DISC1: variants seen among roughly 807,000 people sequenced by gnomAD.
The protein encoded by DISC1 is disrupted in schizophrenia 1 protein.
DISC1 carries 57 observed loss-of-function variants against 84.5 expected under a neutral mutation model. That is an observed-to-expected ratio of 0.67 (90% confidence interval 0.55 to 0.84). The LOEUF (loss-of-function observed/expected upper bound fraction) is 0.84, where lower values mean the gene tolerates loss of function less well. Among genes scored for constraint, DISC1 ranks in the 40% least tolerant of loss-of-function variants. DISC1 has a pLI of 0.00. For synonymous variants in DISC1, 411 were observed against 415.2 expected, an observed-to-expected ratio of 0.99 and a Z score of 0.12; for missense variants, 1,000 against 1,057.8, an observed-to-expected ratio of 0.95 and a Z score of 0.76.
At chr1:231,774,635 G>T (rs753922810) in intron 6 of DISC1, 3 of 453,858 alleles carry the variant, frequency 6.6e-6, no homozygotes, top group South Asian at 3.1e-5. Context: ...TTCTTCCACC[G>T]TAGGGAGGTG....
chr1:231,748,467 A>C (rs766386088), intron 3 of DISC1, among the ~76,000 whole-genome samples: 1 of 152,196 alleles, frequency 6.6e-6, no homozygotes, highest in African/African-American at 2.4e-5. Flanking sequence ...GAATTTTATC[A>C]AAAGCTTTTT....
At chr1:231,985,527 T>C (rs951774484) in intron 10 of DISC1, among the ~76,000 whole-genome samples, 2 of 152,096 alleles carry the variant, frequency 1.3e-5, no homozygotes, top group Non-Finnish European at 2.9e-5. Context: ...GGAAGAATAA[T>C]AAGGATTAGA....
intron 3 of DISC1, among the ~76,000 whole-genome samples, chr1:231,707,543 A>G (rs1266137877): frequency 6.6e-6 from 1 of 152,186 alleles, no homozygotes; most frequent in Non-Finnish European, 1.5e-5. Context: ...CTTAGCACCT[A>G]TGAAAAATGC....
At chr1:231,837,587 TA>T (rs1239838289) in intron 9 of DISC1, among the ~76,000 whole-genome samples, 1 of 96,930 alleles carries the variant, frequency 1.0e-5, no homozygotes, top group African/African-American at 3.4e-5. Flanking sequence ...CTGATCTATA[TA>T]TTTTTTTTCT....
intron 1 of DISC1, among the ~76,000 whole-genome samples, chr1:231,640,457 C>T (rs1236024065): frequency 6.7e-6 from 1 of 149,864 alleles, no homozygotes; most frequent in Non-Finnish European, 1.5e-5. Context: ...AGCAACACAG[C>T]AGTATGCTCT....
At chr1:231,886,766 C>CCTTCCTTTCTTTCTTTCTTT (rs1322835316) in intron 9 of DISC1, among the ~76,000 whole-genome samples, 1 of 84,380 alleles carries the variant, frequency 1.2e-5, no homozygotes, top group Non-Finnish European at 2.4e-5. Context: ...TTCCTTCCTT[C>CCTTCCTTTCTTTCTTTCTTT]CTTTCTTTCT....
At chr1:231,882,658 G>T (rs144929712) in intron 9 of DISC1, among the ~76,000 whole-genome samples, 7 of 152,254 alleles carry the variant, frequency 4.6e-5, no homozygotes, top group African/African-American at 1.2e-4. Context: ...CAATGAAAAG[G>T]CTTTCAAGTT....
intron 9 of DISC1, among the ~76,000 whole-genome samples, chr1:231,935,339 G>A (rs189662739): frequency 8.5e-5 from 13 of 152,196 alleles, no homozygotes; most frequent in Middle Eastern, 3.2e-3. Context: ...GGCGTGGGGC[G>A]TGGTGAGGAA....
rs751969064 is a variant in DISC1, at chr1:231,800,114, A to T, written c.1696A>T (p.Met566Leu). Reference sequence around the variant, plus strand: ...GTCATTTCTCTCCCCCTAGGTGTGTATGAGTGAGAAATTCTGCAGCACCCT... The same window carrying T: ...GTCATTTCTCTCCCCCTAGGTGTGTTTGAGTGAGAAATTCTGCAGCACCCT... ...SLKEITTKVC[M>L]SEKFCSTLRK... Residue 566 changes from methionine (M) to leucine (L), a missense_variant, in exon 8 of 13, where the codon ATG becomes TTG. Met to Leu is a conservative substitution (Grantham distance 15). Transcript: ENST00000439617. 3 of 1,609,816 alleles carry T rather than the reference A, an allele frequency of 1.9e-6. No individual in the cohort carries two copies. The highest frequency in any genetic ancestry group is 2.7e-5 in the African/African-American group (2 of 74,354).
chr1:232,014,994 A>G (rs201006640), intron 11 of DISC1, among the ~76,000 whole-genome samples: 51 of 152,220 alleles, frequency 3.4e-4, no homozygotes, highest in Non-Finnish European at 6.5e-4. Flanking sequence ...CAACTTGACC[A>G]ATAGAAACAG....
Position 231,767,186 on chromosome 1 carries a change from C to T in DISC1, c.1315C>T (p.Leu439=), listed in dbSNP as rs1398155209. 4 of 1,614,102 alleles carry T rather than the reference C, an allele frequency of 2.5e-6. No individual in the cohort carries two copies. Among genetic ancestry groups the T allele is most frequent in the African/African-American group, 1.3e-5 (1 of 74,934 alleles). ...THTPLRMEPR[L]LEPTAQDSLH... is the part of the protein sequence containing the mutation. ...CACCCCACTGAGAATGGAGCCGAGG[C>T]TGTTGGAACCCACTGCTCAGGACAG... Residue 439 remains leucine, a synonymous_variant, in exon 5 of 13, where the codon CTG becomes TTG. Coordinates refer to ENST00000439617, the MANE Select transcript of DISC1 (RefSeq NM_018662.3).
At position 232,040,753 on chromosome 1, in the gene DISC1, T is replaced by A. The variant is rs1328914023; in HGVS notation, c.*3922T>A. ...AACTGAGCCTGGGGCAAACGAGGCT[T>A]CCCACACTGCCAGGGGAGCCTCACT... On this transcript the variant is annotated 3_prime_UTR_variant, in exon 13 of 13. Transcript: ENST00000439617. The A allele has an allele frequency of 6.6e-6, 1 of 152,166 alleles. No individual in the cohort carries two copies. Among genetic ancestry groups the A allele is most frequent in the Non-Finnish European group, 1.5e-5 (1 of 68,028 alleles). 9.4% of individuals were successfully genotyped at this position (152,166 alleles called of 1,614,324 possible). A position where few individuals can be genotyped will look rare whatever the true frequency, so the allele number is the denominator to read the frequency against.
chr1:231,733,837 G>T (rs1195928437), intron 3 of DISC1, among the ~76,000 whole-genome samples: 1 of 150,444 alleles, frequency 6.6e-6, no homozygotes, highest in Non-Finnish European at 1.5e-5. Flanking sequence ...ACGAGTTATG[G>T]TGATGATGGT....
At chr1:231,839,534 G>T (rs1168023401) in intron 9 of DISC1, among the ~76,000 whole-genome samples, 1 of 152,126 alleles carries the variant, frequency 6.6e-6, no homozygotes, top group African/African-American at 2.4e-5. Context: ...TTTTCACCAG[G>T]CTGGGGTTTT....
chr1:231,701,119 C>A (rs1272421715), intron 2 of DISC1, among the ~76,000 whole-genome samples: 1 of 152,164 alleles, frequency 6.6e-6, no homozygotes, highest in Non-Finnish European at 1.5e-5. Context: ...GCCTCACAAT[C>A]ATGGTGGAAG....
intron 9 of DISC1, among the ~76,000 whole-genome samples, chr1:231,905,426 C>T (rs1253041512): frequency 6.6e-6 from 1 of 151,700 alleles, no homozygotes; most frequent in Non-Finnish European, 1.5e-5. Context: ...CGAAACCAGC[C>T]TGGGCAAGAT....
intron 9 of DISC1, among the ~76,000 whole-genome samples, chr1:231,939,729 C>T (rs200789361): frequency 2.4e-4 from 37 of 151,622 alleles, no homozygotes; most frequent in South Asian, 1.1e-3. Flanking sequence ...CTACTACCTG[C>T]CCTGTTCTCT....
intron 1 of DISC1, among the ~76,000 whole-genome samples, chr1:231,627,763 A>G (rs940612474): frequency 1.3e-5 from 2 of 152,226 alleles, no homozygotes; most frequent in African/African-American, 4.8e-5. Context: ...TCAGAGCCTC[A>G]GTCTCCTGAA....
intron 11 of DISC1, among the ~76,000 whole-genome samples, chr1:232,010,061 T>C (rs1667892099): frequency 6.6e-6 from 1 of 152,236 alleles, no homozygotes; most frequent in Non-Finnish European, 1.5e-5. Context: ...TCACTGCCTC[T>C]GGACTGCTTA....
Sources: allele counts gnomAD v4.1 joint callset (sites outside exome capture counted in the v4.1 genomes callset), GRCh38; gene constraint gnomAD v4.1.1; transcripts MANE v1.5; gene names NCBI Gene and HGNC (gene_info 2026-07-23, HGNC 2026-07-21).